The following CNTN1 variants were observed in gnomAD, a reference collection of about 807,000 sequenced individuals.
CNTN1 encodes contactin 1, also known as contactin-1.
In CNTN1, 38 loss-of-function variants were observed where a neutral mutation model predicts 126.4. The observed-to-expected ratio is 0.30, with a 90% CI of 0.23 to 0.39. The LOEUF is 0.39. CNTN1 is among the 10% of genes least tolerant of loss of function. CNTN1 has a pLI of 1.00. For missense variants in CNTN1, 1,009 were observed against 1,248.4 expected (o/e 0.81, Z 2.89); for synonymous variants, 413 against 422.6 (o/e 0.98, Z 0.28).
At chr12:40,953,313 A>G (rs972668960) in intron 14 of CNTN1, among the ~76,000 whole-genome samples, 14 of 152,274 alleles carry the variant, frequency 9.2e-5, no homozygotes, top group Admixed American at 9.2e-4. Context: ...TGTGGCTTTT[A>G]GTAAAAATAC....
rs529408610 is a variant in CNTN1, at chr12:40,929,336, GCACA to G, written c.497-445_497-442del. Among the ~76,000 whole-genome samples, 6 of 148,792 alleles carry G rather than the reference GCACA, an allele frequency of 4.0e-5. No individual in the cohort carries two copies. The East Asian group carries it at 5.9e-4, about 15-fold the overall frequency. On this transcript the variant is annotated intron_variant, in intron 6 of 23. Coordinates refer to ENST00000551295, the MANE Select transcript of CNTN1 (RefSeq NM_001843.4). ...TCATTTCTAACTCTATAAAATAGGT[GCACA>G]CACACACACACACAAAAAAAAAAAG...
intron 1 of CNTN1, among the ~76,000 whole-genome samples, chr12:40,885,907 T>C (rs1157181775): frequency 2.0e-5 from 3 of 152,082 alleles, no homozygotes; most frequent in Non-Finnish European, 4.4e-5. Context: ...TTTTCATTTC[T>C]TGTACTGATT....
At chr12:40,959,641 T>C (rs1947037088) in intron 15 of CNTN1, among the ~76,000 whole-genome samples, 1 of 152,132 alleles carries the variant, frequency 6.6e-6, no homozygotes, top group South Asian at 2.1e-4. Context: ...ATCACTTTTG[T>C]CTTAGAGTGT....
At chr12:41,016,362 AT>A (rs1948780629) in intron 18 of CNTN1, among the ~76,000 whole-genome samples, 2 of 151,964 alleles carry the variant, frequency 1.3e-5, no homozygotes, top group Non-Finnish European at 2.9e-5. Flanking sequence ...CGTCGAGGTG[AT>A]TTTACCTCGG....
chr12:40,705,884 G>A lies in CNTN1; in HGVS notation c.-77+13292G>A, dbSNP rs565899390. 1.3e-3 allele frequency among the ~76,000 whole-genome samples: 202 copies of A among 152,134 alleles called. 2 individuals are homozygous for A. The South Asian group carries it at 0.016, about 12-fold the overall frequency. On this transcript the variant is annotated intron_variant, in intron 1 of 23. Coordinates refer to ENST00000551295, the MANE Select transcript of CNTN1 (RefSeq NM_001843.4). ...AGGAGCAGGATCAAGAGAGAGTGGCGGGGAGGTGCTGCATGCTTTAACAAC... is the reference window on the plus strand; with the variant it reads ...AGGAGCAGGATCAAGAGAGAGTGGCAGGGAGGTGCTGCATGCTTTAACAAC...
chr12:41,022,982 A>G (rs934437010), intron 20 of CNTN1, among the ~76,000 whole-genome samples: 2 of 151,956 alleles, frequency 1.3e-5, no homozygotes, highest in Non-Finnish European at 1.5e-5. Flanking sequence ...AATCCATATT[A>G]TTTATTGTTC....
intron 23 of CNTN1, among the ~76,000 whole-genome samples, chr12:41,034,411 AC>A (rs1381245239): frequency 5.3e-5 from 8 of 152,136 alleles, no homozygotes; most frequent in African/African-American, 1.9e-4. Context: ...TTTGGGTAGA[AC>A]TTTTATATGT....
At chr12:41,052,365 A>T (rs1201140643) in intron 23 of CNTN1, among the ~76,000 whole-genome samples, 1 of 152,166 alleles carries the variant, frequency 6.6e-6, no homozygotes, top group Non-Finnish European at 1.5e-5. Flanking sequence ...CAAAATATAT[A>T]AAGTATTGTA....
intron 5 of CNTN1, among the ~76,000 whole-genome samples, chr12:40,923,467 A>G (rs944174723): frequency 1.3e-5 from 2 of 152,204 alleles, no homozygotes; most frequent in Non-Finnish European, 1.5e-5. Context: ...AGATTAAATT[A>G]GTGTGGTGAG....
At chr12:41,040,012 C>T (rs1178929063) in intron 23 of CNTN1, among the ~76,000 whole-genome samples, 1 of 152,106 alleles carries the variant, frequency 6.6e-6, no homozygotes, top group Non-Finnish European at 1.5e-5. Flanking sequence ...CATTTCTCCA[C>T]TTGAGAGGCC....
In CNTN1 at chr12:40,937,498, C is replaced by A. The variant is rs73275694; in HGVS notation, c.1111-72C>A. On this transcript the variant is annotated intron_variant, in intron 10 of 23. Transcript: ENST00000551295. ...TAATGTATCTAAATGAAAAGACAAC[C>A]AAACCCAGACCTAAGTGAAAGTATT... 0.034 allele frequency: 34,568 copies of A among 1,030,886 alleles called. 1,277 individuals carry two copies. The highest frequency in any genetic ancestry group is 0.17 in the African/African-American group (10,729 of 63,708). 63.9% of individuals were successfully genotyped at this position (1,030,886 alleles called of 1,614,324 possible).
At chr12:40,782,895 T>C (rs1327860140) in intron 1 of CNTN1, among the ~76,000 whole-genome samples, 1 of 151,824 alleles carries the variant, frequency 6.6e-6, no homozygotes, top group African/African-American at 2.4e-5. Context: ...ACAGAAGCAA[T>C]AGAGGAAGGG....
At chr12:40,923,871 T>A (rs995585009) in intron 5 of CNTN1, among the ~76,000 whole-genome samples, 6 of 152,100 alleles carry the variant, frequency 3.9e-5, no homozygotes, top group Non-Finnish European at 7.4e-5. Flanking sequence ...AACAATTCAA[T>A]GTTATAATTT....
At chr12:41,046,847 CTTTTTTT>C (rs56655599) in intron 23 of CNTN1, among the ~76,000 whole-genome samples, 45 of 118,992 alleles carry the variant, frequency 3.8e-4, no homozygotes, top group Non-Finnish European at 4.9e-4. Flanking sequence ...TTGCTTATTT[CTTTTTTT>C]TTTTTTTTTT....
At chr12:40,780,130 A>G (rs1302549530) in intron 1 of CNTN1, among the ~76,000 whole-genome samples, 1 of 151,900 alleles carries the variant, frequency 6.6e-6, no homozygotes, top group East Asian at 1.9e-4. Flanking sequence ...CCTGCTTTGG[A>G]GATACGGCTG....
At chr12:41,063,484 C>A (rs1566247867) in intron 23 of CNTN1, among the ~76,000 whole-genome samples, 3 of 152,182 alleles carry the variant, frequency 2.0e-5, no homozygotes, top group Non-Finnish European at 2.9e-5. Context: ...TCTCAACATG[C>A]ATTTATTTGC....
intron 1 of CNTN1, among the ~76,000 whole-genome samples, chr12:40,802,638 T>C (rs1255896172): frequency 1.3e-5 from 2 of 151,896 alleles, no homozygotes; most frequent in Non-Finnish European, 2.9e-5. Flanking sequence ...AAGATGTATG[T>C]CTGATGATTT....
chr12:40,929,354 A>ACAC (rs1491449183), intron 6 of CNTN1, among the ~76,000 whole-genome samples: 6 of 129,096 alleles, frequency 4.6e-5, no homozygotes, highest in African/African-American at 1.9e-4. Context: ...ACACACACAC[A>ACAC]AAAAAAAAAA....
chr12:40,902,966 GAGA>G (rs1398036263), intron 1 of CNTN1, among the ~76,000 whole-genome samples: 3 of 152,190 alleles, frequency 2.0e-5, no homozygotes, highest in African/African-American at 4.8e-5. Context: ...TAGAGGAAGA[GAGA>G]AGGAGAAAGA....
Sources: allele counts gnomAD v4.1 joint callset (sites outside exome capture counted in the v4.1 genomes callset), GRCh38; gene constraint gnomAD v4.1.1; transcripts MANE v1.5; gene names NCBI Gene and HGNC (gene_info 2026-07-23, HGNC 2026-07-21).